TMEM59: variants seen among roughly 807,000 people sequenced by gnomAD.
TMEM59 encodes the protein transmembrane protein 59.
A neutral mutation model predicts 42.2 loss-of-function variants in TMEM59; 44 were observed. The ratio of observed to expected loss-of-function variants is 1.04; its 90% CI spans 0.82 to 1.34. The LOEUF (loss-of-function observed/expected upper bound fraction) is 1.34, where lower values mean the gene tolerates loss of function less well. Among genes scored for constraint, TMEM59 ranks in the 40% most tolerant of loss-of-function variants. The probability of loss-of-function intolerance (pLI) is 0.00; values close to 1 mark genes in which losing one functional copy is unlikely to be tolerated. For synonymous variants in TMEM59, 148 were observed against 145.8 expected, an observed-to-expected ratio of 1.02 and a Z score of -0.11; for missense variants, 359 against 382.8, an observed-to-expected ratio of 0.94 and a Z score of 0.52.
At position 54,052,555 on chromosome 1, in the gene TMEM59, C is replaced by G. The variant is rs1657584057; in HGVS notation, c.189+445G>C. Among the ~76,000 whole-genome samples the G allele has an allele frequency of 2.0e-5, 3 of 152,314 alleles. No homozygotes were observed. In the South Asian group the frequency reaches 6.2e-4, roughly 32 times the overall value. On this transcript the variant is annotated intron_variant, in intron 1 of 7. Transcript: ENST00000234831. ...GTCTACTTGTCTGACTCCCCGAAGACTGCGCTCCTGGCCCCGAGAGGCGCT... is the reference window on the plus strand; with the variant it reads ...GTCTACTTGTCTGACTCCCCGAAGAGTGCGCTCCTGGCCCCGAGAGGCGCT...
At chr1:54,049,432 A>C (rs987842870) in intron 1 of TMEM59, among the ~76,000 whole-genome samples, 2 of 152,238 alleles carry the variant, frequency 1.3e-5, no homozygotes, top group African/African-American at 4.8e-5. Context: ...CACTGTATTA[A>C]GACTTAACAA....
At chr1:54,036,839 G>T in intron 6 of TMEM59, 121 bp from the exon 7 acceptor site, 1 of 549,492 alleles carries the variant, frequency 1.8e-6, no homozygotes, top group Non-Finnish European at 3.1e-6. Flanking sequence ...GGTTATCTTT[G>T]AAACTATTAA....
At chr1:54,038,186 G>A (rs1235154789) in intron 6 of TMEM59, among the ~76,000 whole-genome samples, 2 of 151,962 alleles carry the variant, frequency 1.3e-5, no homozygotes, top group Non-Finnish European at 2.9e-5. Context: ...TCAAATTTCT[G>A]ACTCTCCTTA....
chr1:54,052,714 G>GTGC (rs1315542556), intron 1 of TMEM59, among the ~76,000 whole-genome samples: 2 of 152,128 alleles, frequency 1.3e-5, no homozygotes, highest in Admixed American at 1.3e-4. Context: ...CCTCCTCCGA[G>GTGC]TGCTCGACTC....
rs1345354015 is a variant in TMEM59, at chr1:54,030,458, T to A, written c.*1692A>T. 6.6e-6 allele frequency: 1 copy of A among 152,138 alleles called. No homozygotes were observed. Among genetic ancestry groups the A allele is most frequent in the Non-Finnish European group, 1.5e-5 (1 of 68,048 alleles). 9.4% of individuals were successfully genotyped at this position (152,138 alleles called of 1,614,324 possible). On this transcript the variant is annotated 3_prime_UTR_variant, in exon 8 of 8. Coordinates refer to ENST00000234831, the MANE Select transcript of TMEM59 (RefSeq NM_004872.5). The stretch of plus-strand genomic sequence containing the variant: ...CCCATGTTTTATATAGTCCCCATGT[T>A]TGTTTGTATTTTTTTGTACAGAGAG...
chr1:54,035,430 G>A (rs1656910977), intron 7 of TMEM59, among the ~76,000 whole-genome samples: 1 of 152,086 alleles, frequency 6.6e-6, no homozygotes, highest in Admixed American at 6.5e-5. Context: ...ATACTTTTCT[G>A]TTCTTGAAAG....
At position 54,028,618 on chromosome 1, in the gene TMEM59, C is replaced by T. The variant is rs1246810940; in HGVS notation, c.*3532G>A. 1 of 152,218 alleles carries T rather than the reference C, an allele frequency of 6.6e-6. No homozygotes were observed. The highest frequency in any genetic ancestry group is 1.5e-5 in the Non-Finnish European group (1 of 68,056). The allele number at this position is 152,218 out of a possible 1,614,324, so 9.4% of individuals were successfully genotyped here. ...TAGGTCTTTGAGCACAGTGTCCCCA[C>T]TGTCTGGTACACTGCTCTCTATATT... On this transcript the variant is annotated 3_prime_UTR_variant, in exon 8 of 8. Coordinates refer to ENST00000234831, the MANE Select transcript of TMEM59 (RefSeq NM_004872.5).
rs769765621 is a variant in TMEM59, at chr1:54,047,314, A to G, written c.248T>C (p.Val83Ala). 2 of 1,613,900 alleles carry G rather than the reference A, an allele frequency of 1.2e-6. No individual in the cohort carries two copies. The highest frequency in any genetic ancestry group is 8.5e-7 in the Non-Finnish European group (1 of 1,179,970). Residue 83 changes from valine (V) to alanine (A), a missense_variant, in exon 2 of 8, where the codon GTG becomes GCG. Transcript: ENST00000234831. ...GCRLFSICQFVDDGIDLNRTK... is the reference protein window; with the variant it reads ...GCRLFSICQFADDGIDLNRTK... ...TCGATTTAAGTCAATTCCATCATCCACAAACTGACAAATTGAAAACAGCCT... is the reference window on the plus strand; with the variant it reads ...TCGATTTAAGTCAATTCCATCATCCGCAAACTGACAAATTGAAAACAGCCT...
chr1:54,041,133 A>G (rs569379341), intron 5 of TMEM59, among the ~76,000 whole-genome samples: 54 of 152,334 alleles, frequency 3.5e-4, no homozygotes, highest in African/African-American at 1.3e-3. Flanking sequence ...AGATGGTCTT[A>G]TGTTATGTGC....
At chr1:54,040,326 T>C (rs1453206640) in intron 6 of TMEM59, among the ~76,000 whole-genome samples, 1 of 152,034 alleles carries the variant, frequency 6.6e-6, no homozygotes, top group African/African-American at 2.4e-5. Context: ...CTAATTTTTG[T>C]ATTTTCAGTA....
At chr1:54,052,375 T>G (rs1057117959) in intron 1 of TMEM59, among the ~76,000 whole-genome samples, 7 of 152,190 alleles carry the variant, frequency 4.6e-5, no homozygotes, top group African/African-American at 1.7e-4. Flanking sequence ...GAGTGGTCAG[T>G]TTCTGGTAGG....
intron 7 of TMEM59, among the ~76,000 whole-genome samples, chr1:54,036,327 G>T (rs976535068): frequency 3.3e-5 from 5 of 151,644 alleles, no homozygotes; most frequent in Non-Finnish European, 7.4e-5. Flanking sequence ...AGAAACTGAT[G>T]TCAACAGGTC....
rs541194597 is a variant in TMEM59, at chr1:54,027,779, A to G, written c.*4371T>C. The G allele has an allele frequency of 2.6e-5, 4 of 152,220 alleles. No homozygotes were observed. The South Asian group carries it at 8.3e-4, about 32-fold the overall frequency. The allele number at this position is 152,220 out of a possible 1,614,324, so 9.4% of individuals were successfully genotyped here. ...GTGTGAGACTCTGTCTCAAAAAAAA[A>G]AAAAGTGAAATATATGAAGCTGACT... On this transcript the variant is annotated 3_prime_UTR_variant, in exon 8 of 8. Transcript: ENST00000234831.
At position 54,031,998 on chromosome 1, in the gene TMEM59, T is replaced by G; in HGVS notation, c.*152A>C. 1 of 604,340 alleles carries G rather than the reference T, an allele frequency of 1.7e-6. No homozygotes were observed. The highest frequency in any genetic ancestry group is 2.6e-6 in the Non-Finnish European group (1 of 391,986). 37.4% of individuals were successfully genotyped at this position (604,340 alleles called of 1,614,324 possible). A position where few individuals can be genotyped will look rare whatever the true frequency, so the allele number is the denominator to read the frequency against. ...TACTACAAAAACAATACCAATAAAG[T>G]TATAGCAAATACAGTCTTCACAGAT... On this transcript the variant is annotated 3_prime_UTR_variant, in exon 8 of 8. Transcript: ENST00000234831.
chr1:54,029,029 G>A lies in TMEM59; in HGVS notation c.*3121C>T, dbSNP rs11206274. ...CCACAAAAATTATAATGGAACTACT[G>A]TATATCTTTAAAAAACTTGTAACAA... On this transcript the variant is annotated 3_prime_UTR_variant, in exon 8 of 8. Coordinates refer to ENST00000234831, the MANE Select transcript of TMEM59 (RefSeq NM_004872.5). 6.6e-6 allele frequency: 1 copy of A among 152,014 alleles called. No individual in the cohort carries two copies. The highest frequency in any genetic ancestry group is 1.5e-5 in the Non-Finnish European group (1 of 68,012). The allele number at this position is 152,014 out of a possible 1,614,324, so 9.4% of individuals were successfully genotyped here.
intron 6 of TMEM59, among the ~76,000 whole-genome samples, chr1:54,038,897 T>C (rs1657044844): frequency 6.6e-6 from 1 of 152,208 alleles, no homozygotes; most frequent in Non-Finnish European, 1.5e-5. Flanking sequence ...ACTCAGGCAG[T>C]GCAATGGCAC....
chr1:54,051,789 T>C (rs1226354372), intron 1 of TMEM59, among the ~76,000 whole-genome samples: 1 of 152,256 alleles, frequency 6.6e-6, no homozygotes, highest in East Asian at 1.9e-4. Flanking sequence ...TTCTCACTTC[T>C]TTCTCGATTG....
At chr1:54,035,081 T>C (rs1417173744) in intron 7 of TMEM59, among the ~76,000 whole-genome samples, 1 of 152,352 alleles carries the variant, frequency 6.6e-6, no homozygotes, top group East Asian at 1.9e-4. Flanking sequence ...GAAAATACTT[T>C]GTAAATTTTA....
rs144405495 is a variant in TMEM59 at position 54,036,666 on chromosome 1, G to A, written c.760C>T (p.Leu254Phe). Residue 254 changes from leucine (L) to phenylalanine (F), a missense_variant, in exon 7 of 8, where the codon CTT becomes TTT. By Grantham distance (22) the Leu-to-Phe change is conservative. Transcript: ENST00000234831. ...TTLVLSVMVLLWICCATVATA... is the reference protein window; with the variant it reads ...TTLVLSVMVLFWICCATVATA... ...GCAACAGTTGCACAACAAATCCAAA[G>A]CAATACCATCACCGAGAGGACAAGA... 1.8e-4 allele frequency: 292 copies of A among 1,606,702 alleles called. No individual in the cohort carries two copies. The highest frequency in any genetic ancestry group is 2.1e-4 in the Non-Finnish European group (242 of 1,176,350).
Sources: gnomAD v4.1 joint callset for allele counts (sites outside exome capture counted in the v4.1 genomes callset) on GRCh38, gnomAD v4.1.1 for gene constraint, MANE v1.5 for transcripts, NCBI Gene and HGNC (gene_info 2026-07-23, HGNC 2026-07-21) for gene names.